The following DENND1A variants were observed in gnomAD, a reference collection of about 807,000 sequenced individuals.
DENND1A encodes DENN domain containing 1A.
A neutral mutation model predicts 113.7 loss-of-function variants in DENND1A; 51 were observed. The observed-to-expected ratio is 0.45, with a 90% CI of 0.36 to 0.57. DENND1A has a LOEUF of 0.57. DENND1A is among the 20% of genes least tolerant of loss of function. DENND1A has a pLI of 0.00. For missense variants in DENND1A, 1,258 were observed against 1,395.9 expected (o/e 0.90, Z 1.57); for synonymous variants, 565 against 570.8 (o/e 0.99, Z 0.14).
Position 123,648,183 on chromosome 9 carries a change from GATCTTCCC to G in DENND1A, c.618+3822_618+3829del, listed in dbSNP as rs574146143. Among the ~76,000 whole-genome samples, 7 of 152,268 alleles carry G rather than the reference GATCTTCCC, an allele frequency of 4.6e-5. No individual in the cohort carries two copies. In the East Asian group the frequency reaches 1.4e-3, roughly 29 times the overall value. On this transcript the variant is annotated intron_variant, in intron 9 of 23. Coordinates refer to ENST00000394215, the MANE Select transcript of DENND1A (RefSeq NM_001352964.2). ...CAAAGCCATGATCCTGGGCTCAAGT[GATCTTCCC>G]GCCTCAGCATCCCTAGTAGCTAGGA...
At chr9:123,704,159 A>C (rs2066044128) in intron 5 of DENND1A, among the ~76,000 whole-genome samples, 1 of 152,140 alleles carries the variant, frequency 6.6e-6, no homozygotes, top group Non-Finnish European at 1.5e-5. Context: ...AATGAAAAAA[A>C]AAAATGGAAC....
rs1356276392 is a variant in DENND1A at position 123,380,978 on chromosome 9, A to C, written c.*454T>G. 5.3e-6 allele frequency: 1 copy of C among 188,266 alleles called. No individual in the cohort carries two copies. The highest frequency in any genetic ancestry group is 1.6e-4 in the East Asian group (1 of 6,156). 11.7% of individuals were successfully genotyped at this position (188,266 alleles called of 1,614,324 possible). ...ACCTGTGTCTCGTGCAGATGAGCTC[A>C]AACTGGAGGGTAACCCTGTCACCTG... On this transcript the variant is annotated 3_prime_UTR_variant, in exon 24 of 24. Transcript: ENST00000394215.
At chr9:123,525,400 A>G (rs1172594248) in intron 13 of DENND1A, among the ~76,000 whole-genome samples, 1 of 152,206 alleles carries the variant, frequency 6.6e-6, no homozygotes, top group Non-Finnish European at 1.5e-5. Context: ...TTTCGAGGGC[A>G]TCTCTGAAAA....
chr9:123,841,811 T>C (rs559704342), intron 2 of DENND1A, among the ~76,000 whole-genome samples: 7 of 152,132 alleles, frequency 4.6e-5, no homozygotes, highest in Non-Finnish European at 1.0e-4. Context: ...TTTTCTGATA[T>C]ATTGAATATA....
chr9:123,758,552 C>T (rs900731187), intron 4 of DENND1A, among the ~76,000 whole-genome samples: 2 of 152,148 alleles, frequency 1.3e-5, no homozygotes, highest in African/African-American at 4.8e-5. Flanking sequence ...TCCTAAATTC[C>T]TATATCTTTC....
At chr9:123,826,822 C>G (rs1266587662) in intron 2 of DENND1A, among the ~76,000 whole-genome samples, 1 of 152,146 alleles carries the variant, frequency 6.6e-6, no homozygotes, top group African/African-American at 2.4e-5. Context: ...GGAGGCCTAT[C>G]AAAAAGCATT....
intron 1 of DENND1A, among the ~76,000 whole-genome samples, chr9:123,894,687 C>T (rs1314141507): frequency 6.6e-6 from 1 of 152,144 alleles, no homozygotes; most frequent in Non-Finnish European, 1.5e-5. Context: ...AAAAACTATC[C>T]TTAATTGGAC....
intron 12 of DENND1A, among the ~76,000 whole-genome samples, chr9:123,558,231 CA>C (rs2057537974): frequency 6.6e-6 from 1 of 152,098 alleles, no homozygotes; most frequent in Non-Finnish European, 1.5e-5. Context: ...TACCTAGCAA[CA>C]AACTCAAGAC....
At chr9:123,512,172 T>C (rs985816955) in intron 13 of DENND1A, among the ~76,000 whole-genome samples, 1 of 152,178 alleles carries the variant, frequency 6.6e-6, no homozygotes, top group African/African-American at 2.4e-5. Context: ...TAGTCAAACA[T>C]ATGAATCTCT....
At chr9:123,678,246 C>G (rs75482921) in intron 5 of DENND1A, among the ~76,000 whole-genome samples, 3,255 of 152,240 alleles carry the variant, frequency 0.021, 47 homozygotes, top group Non-Finnish European at 0.033. Flanking sequence ...AAGAATGGCA[C>G]CTGGCACACC....
chr9:123,434,340 C>G lies in DENND1A; in HGVS notation c.1488+6020G>C, dbSNP rs540736834. Among the ~76,000 whole-genome samples, 11 of 152,342 alleles carry G rather than the reference C, an allele frequency of 7.2e-5. No homozygotes were observed. The South Asian group carries it at 2.3e-3, about 32-fold the overall frequency. On this transcript the variant is annotated intron_variant, in intron 19 of 23. Transcript: ENST00000394215. Reference sequence around the variant, plus strand: ...CCATGCCCGGCCTCACTTCAAAATCCTTCTTTATGGAAAGTGAATTTGGAA... The same window carrying G: ...CCATGCCCGGCCTCACTTCAAAATCGTTCTTTATGGAAAGTGAATTTGGAA...
At chr9:123,569,871 G>A (rs2058258279) in intron 12 of DENND1A, among the ~76,000 whole-genome samples, 1 of 152,122 alleles carries the variant, frequency 6.6e-6, no homozygotes, top group Non-Finnish European at 1.5e-5. Context: ...TGGGACTCCT[G>A]GTAGCATGAA....
intron 5 of DENND1A, among the ~76,000 whole-genome samples, chr9:123,726,513 C>T (rs532966344): frequency 3.3e-5 from 5 of 152,286 alleles, no homozygotes; most frequent in Non-Finnish European, 5.9e-5. Context: ...GCTTTATTCA[C>T]AGCTGAATCC....
intron 2 of DENND1A, among the ~76,000 whole-genome samples, chr9:123,849,816 A>C (rs1369052116): frequency 6.6e-6 from 1 of 152,236 alleles, no homozygotes; most frequent in African/African-American, 2.4e-5. Flanking sequence ...GTTTGGAAGA[A>C]GCTGATTCCA....
intron 3 of DENND1A, among the ~76,000 whole-genome samples, chr9:123,769,982 G>A (rs922351414): frequency 1.3e-5 from 2 of 152,144 alleles, no homozygotes; most frequent in African/African-American, 2.4e-5. Flanking sequence ...GGAACAGAGG[G>A]GGCCAGGATT....
Position 123,696,741 on chromosome 9 carries a change from C to A in DENND1A, c.303-19952G>T, listed in dbSNP as rs573338682. On this transcript the variant is annotated intron_variant, in intron 5 of 23. Transcript: ENST00000394215. ...TCCCCTTTGAAATGTGAGGATTCTG[C>A]GATGAGAATTTCTTTTGATATATTT... is the stretch of plus-strand genomic sequence containing the variant. 2.0e-5 allele frequency among the ~76,000 whole-genome samples: 3 copies of A among 151,808 alleles called. No individual in the cohort carries two copies. The South Asian group carries it at 6.2e-4, about 32-fold the overall frequency.
At chr9:123,530,990 G>A (rs2055250657) in intron 13 of DENND1A, among the ~76,000 whole-genome samples, 2 of 152,264 alleles carry the variant, frequency 1.3e-5, no homozygotes, top group South Asian at 4.1e-4. Context: ...GTCATGGAAA[G>A]TGAAACTGCA....
chr9:123,475,631 T>C (rs764326899), intron 13 of DENND1A, among the ~76,000 whole-genome samples: 92 of 152,234 alleles, frequency 6.0e-4, no homozygotes, highest in Non-Finnish European at 1.1e-3. Flanking sequence ...GGCAGAGGCT[T>C]ATTTATAAAG....
At chr9:123,560,523 T>TA (rs1344542517) in intron 12 of DENND1A, among the ~76,000 whole-genome samples, 1 of 151,810 alleles carries the variant, frequency 6.6e-6, no homozygotes, top group African/African-American at 2.4e-5. Context: ...CCCATCTCTA[T>TA]AAAAAATATA....
Sources: gnomAD v4.1 joint callset for allele counts (sites outside exome capture counted in the v4.1 genomes callset) on GRCh38, gnomAD v4.1.1 for gene constraint, MANE v1.5 for transcripts, NCBI Gene and HGNC (gene_info 2026-07-23, HGNC 2026-07-21) for gene names.